Variants in TNS1 observed in about 807,000 individuals in gnomAD.
The protein encoded by TNS1 is tensin-1.
Under a neutral mutation model 168.6 loss-of-function variants are expected in TNS1, and 62 were observed. That is an observed-to-expected ratio of 0.37 (90% CI 0.30 to 0.45). TNS1 has a LOEUF of 0.45. Among genes scored for constraint, TNS1 ranks in the 20% least tolerant of loss-of-function variants. The pLI is 1.00. For synonymous variants in TNS1, 934 were observed against 933.2 expected, an observed-to-expected ratio of 1.00 and a Z score of -0.02; for missense variants, 2,240 against 2,339.4, an observed-to-expected ratio of 0.96 and a Z score of 0.88.
intron 3 of TNS1, among the ~76,000 whole-genome samples, chr2:217,965,981 G>T (rs1957617500): frequency 6.6e-6 from 1 of 151,618 alleles, no homozygotes; most frequent in South Asian, 2.1e-4. Context: ...CCAGCATCCT[G>T]TTCCACCAGG....
At chr2:217,950,493 C>CT (rs1957212835) in intron 3 of TNS1, among the ~76,000 whole-genome samples, 1 of 152,082 alleles carries the variant, frequency 6.6e-6, no homozygotes, top group Admixed American at 6.6e-5. Context: ...GAGAGCTGAC[C>CT]TTTAGCCAAG....
rs760736104 is a variant in TNS1 at position 217,885,825 on chromosome 2, G to C, written c.1041-6C>G. 1.9e-6 allele frequency: 3 copies of C among 1,614,104 alleles called. No individual in the cohort carries two copies. Among genetic ancestry groups the C allele is most frequent in the Non-Finnish European group, 2.5e-6 (3 of 1,179,998 alleles). On this transcript the variant is annotated splice_polypyrimidine_tract_variant and splice_region_variant and intron_variant, in intron 14 of 32. Transcript: ENST00000682258. ...GGCTGTCTCCTGGGATGTTGCTAAG[G>C]GAGAGAGGTGGGCAGAAAAAGAGTG...
intron 1 of TNS1, among the ~76,000 whole-genome samples, chr2:218,009,319 A>G (rs999417873): frequency 6.6e-6 from 1 of 151,980 alleles, no homozygotes; most frequent in African/African-American, 2.4e-5. Context: ...AGTTTTTCCA[A>G]TTCCCTACTT....
intron 3 of TNS1, among the ~76,000 whole-genome samples, chr2:217,934,388 G>T (rs1157916741): frequency 6.6e-6 from 1 of 152,198 alleles, no homozygotes; most frequent in East Asian, 1.9e-4. Context: ...TGATTCAGTG[G>T]CTGGGCCTCC....
chr2:217,963,130 G>A (rs1443653866), intron 3 of TNS1, among the ~76,000 whole-genome samples: 1 of 152,208 alleles, frequency 6.6e-6, no homozygotes, highest in East Asian at 1.9e-4. Context: ...TCAGAGGATA[G>A]TTCAAGAATT....
At chr2:217,825,632 C>T (rs1185725641) in intron 22 of TNS1, among the ~76,000 whole-genome samples, 3 of 152,212 alleles carry the variant, frequency 2.0e-5, no homozygotes, top group Non-Finnish European at 4.4e-5. Flanking sequence ...GTGGGCCACA[C>T]CACCCCGTCC....
chr2:217,891,191 C>T, intron 11 of TNS1, 146 bp from the exon 12 acceptor site: 1 of 709,622 alleles, frequency 1.4e-6, no homozygotes, highest in South Asian at 1.7e-5. Context: ...CTTCCCCCTG[C>T]CATCCTGTGC....
chr2:218,025,979 T>A (rs1958847393), intron 1 of TNS1, among the ~76,000 whole-genome samples: 1 of 152,190 alleles, frequency 6.6e-6, no homozygotes, highest in Non-Finnish European at 1.5e-5. Context: ...CAGGTTACAT[T>A]GCGGTGTGAG....
At chr2:217,844,020 T>C (rs1946326548) in intron 19 of TNS1, among the ~76,000 whole-genome samples, 2 of 152,126 alleles carry the variant, frequency 1.3e-5, no homozygotes, top group African/African-American at 4.8e-5. Flanking sequence ...CAAGGCTTCA[T>C]CTTCCACCCA....
chr2:217,818,318 C>G lies in TNS1; in HGVS notation c.4014G>C (p.Gln1338His). The change falls in exon 24 of 33, where the codon CAG becomes CAC. Residue 1338 changes from glutamine (Q) to histidine (H), a missense_variant. By Grantham distance (24) the Gln-to-His change is conservative. Coordinates refer to ENST00000682258, the MANE Select transcript of TNS1 (RefSeq NM_001387777.1). ...TCCCCGGGGTGGTCGCTGCACTGCTCTGGGGGCTGGAGACAGTGCTACCAT... is the reference window on the plus strand; with the variant it reads ...TCCCCGGGGTGGTCGCTGCACTGCTGTGGGGGCTGGAGACAGTGCTACCAT... ...GFHGSTVSSP[Q>H]SSAATTPGSP... The G allele has an allele frequency of 1.2e-6, 2 of 1,613,954 alleles. No homozygotes were observed. Among genetic ancestry groups the G allele is most frequent in the Non-Finnish European group, 1.7e-6 (2 of 1,179,952 alleles).
chr2:217,888,889 T>C (rs2125691413), intron 12 of TNS1, among the ~76,000 whole-genome samples: 1 of 152,346 alleles, frequency 6.6e-6, no homozygotes, highest in East Asian at 1.9e-4. Flanking sequence ...ATCCTATTCC[T>C]GAGAGGTGAC....
At chr2:217,843,373 T>C (rs1037100003) in intron 19 of TNS1, among the ~76,000 whole-genome samples, 1 of 151,576 alleles carries the variant, frequency 6.6e-6, no homozygotes, top group Non-Finnish European at 1.5e-5. Context: ...ATGTCCAACC[T>C]ACTCCCCTCC....
rs1413134504 is a variant in TNS1 at position 217,800,858 on chromosome 2, G to GT, written c.*3600_*3601insA. On this transcript the variant is annotated 3_prime_UTR_variant, in exon 33 of 33. Coordinates refer to ENST00000682258, the MANE Select transcript of TNS1 (RefSeq NM_001387777.1). Reference sequence around the variant, plus strand: ...TTGATCACACTCACCACCCTTCTGTGCCCCCTGGACAGCATGCTCCCCTGG... The same window carrying GT: ...TTGATCACACTCACCACCCTTCTGTGTCCCCCTGGACAGCATGCTCCCCTGG... 1.3e-5 allele frequency: 2 copies of GT among 152,224 alleles called. No individual in the cohort carries two copies. Among genetic ancestry groups the GT allele is most frequent in the East Asian group, 3.9e-4 (2 of 5,164 alleles). The allele number at this position is 152,224 out of a possible 1,614,324, so 9.4% of individuals were successfully genotyped here.
intron 18 of TNS1, among the ~76,000 whole-genome samples, chr2:217,877,618 G>A (rs530839329): frequency 1.4e-4 from 21 of 152,350 alleles, no homozygotes; most frequent in Admixed American, 5.9e-4. Flanking sequence ...CAGAATTCGG[G>A]AGAGGGCTCT....
rs1941447462 is a variant in TNS1, at chr2:217,813,960, G to GGGTC, written c.4730-148_4730-145dup. On this transcript the variant is annotated intron_variant, in intron 25 of 32. Transcript: ENST00000682258. The surrounding 1 kb of genome is among the most constrained non-coding windows in gnomAD (Gnocchi z 4.0). Reference sequence around the variant, plus strand: ...AAAGTTAAAATTTAACTACTCCTACGGGTCTTCCTGTACTCAGGTTGGCAA... The same window carrying GGGTC: ...AAAGTTAAAATTTAACTACTCCTACGGGTCGGTCTTCCTGTACTCAGGTTGGCAA... 4.0e-6 allele frequency: 4 copies of GGGTC among 999,990 alleles called. No homozygotes were observed. Among genetic ancestry groups the GGGTC allele is most frequent in the Non-Finnish European group, 5.5e-6 (4 of 730,116 alleles). The allele number at this position is 999,990 out of a possible 1,614,324, so 61.9% of individuals were successfully genotyped here.
intron 18 of TNS1, among the ~76,000 whole-genome samples, chr2:217,874,621 G>C (rs1328959827): frequency 6.6e-6 from 1 of 152,186 alleles, no homozygotes; most frequent in African/African-American, 2.4e-5. Flanking sequence ...GAGAGTAGAG[G>C]GGCAAGGGGA....
At position 217,848,606 on chromosome 2, in the gene TNS1, A is replaced by C; in HGVS notation, c.1911T>G (p.Ser637Arg). 1 of 1,614,084 alleles carries C rather than the reference A, an allele frequency of 6.2e-7. No individual in the cohort carries two copies. Among genetic ancestry groups the C allele is most frequent in the Non-Finnish European group, 8.5e-7 (1 of 1,180,006 alleles). The change falls in exon 19 of 33, where the codon AGT becomes AGG. Residue 637 changes from serine to arginine, a missense_variant. Ser to Arg is a moderately radical substitution (Grantham distance 110, BLOSUM62 -1). Transcript: ENST00000682258. ...DDELPNQDGH[S>R]AGSMGTLSSL... is the part of the protein sequence containing the mutation. ...AAGAGAGTGTGCCCATGCTGCCCGCACTGTGACCATCCTGGTTTGGCAATT... is the reference window on the plus strand; with the variant it reads ...AAGAGAGTGTGCCCATGCTGCCCGCCCTGTGACCATCCTGGTTTGGCAATT...
intron 11 of TNS1, among the ~76,000 whole-genome samples, chr2:217,892,028 GT>G (rs932523183): frequency 2.1e-4 from 32 of 152,378 alleles, no homozygotes; most frequent in African/African-American, 7.2e-4. Flanking sequence ...CATGAGGGCA[GT>G]GGCCTGGCTT....
intron 3 of TNS1, among the ~76,000 whole-genome samples, chr2:217,960,592 T>C (rs1447258425): frequency 6.6e-6 from 1 of 152,058 alleles, no homozygotes; most frequent in Non-Finnish European, 1.5e-5. Context: ...GGCCTCCACG[T>C]ACCAGCAGCC....
Sources: allele counts gnomAD v4.1 joint callset (sites outside exome capture counted in the v4.1 genomes callset), GRCh38; gene constraint gnomAD v4.1.1; non-coding constraint Gnocchi (gnomAD v3.1); transcripts MANE v1.5; gene names NCBI Gene and HGNC (gene_info 2026-07-23, HGNC 2026-07-21).